Variants in ALB observed in about 807,000 individuals in gnomAD.
ALB encodes the protein albumin.
Under a neutral mutation model 74.5 loss-of-function variants are expected in ALB, and 37 were observed. The observed-to-expected ratio is 0.50, with a 90% confidence interval of 0.38 to 0.65. The LOEUF is 0.65. Ranked by LOEUF, ALB falls within the 30% of genes least tolerant of loss-of-function variation. The pLI, the probability that ALB is intolerant of heterozygous loss-of-function variation, is 0.00. For missense variants in ALB, 685 were observed against 718.7 expected, an observed-to-expected ratio of 0.95 and a Z score of 0.54; for synonymous variants, 249 against 251.6, an observed-to-expected ratio of 0.99 and a Z score of 0.10.
At chr4:73,411,975 G>T in intron 6 of ALB, 21 bp from the exon 7 acceptor site, 1 of 1,613,886 alleles carries the variant, frequency 6.2e-7, no homozygotes, top group East Asian at 2.2e-5. Context: ...ATACCATTTT[G>T]ATTGGCGATT....
rs11538204 is a variant in ALB at position 73,421,156 on chromosome 4, G to T, written c.*88G>T. 1.5e-3 allele frequency: 1,064 copies of T among 692,658 alleles called. 1 individual carries two copies. Among genetic ancestry groups the T allele is most frequent in the Non-Finnish European group, 2.2e-3 (857 of 381,326 alleles). The allele number at this position is 692,658 out of a possible 1,614,324, so 42.9% of individuals were successfully genotyped here. On this transcript the variant is annotated 3_prime_UTR_variant, in exon 15 of 15. Transcript: ENST00000295897. ...GCTTATTCATCTGTTTTTCTTTTTC[G>T]TTGGTGTAAAGCCAACACCCTGTCT...
rs921613345 is a variant in ALB, at chr4:73,405,651, C to G, written c.137+478C>G. On this transcript the variant is annotated intron_variant, in intron 2 of 14. Coordinates refer to ENST00000295897, the MANE Select transcript of ALB (RefSeq NM_000477.7). ...TGTCGCCCAGGCTGGAGTGCAGTGG[C>G]GCAATCTCGGCTCACTGCAAACTCC... Among the ~76,000 whole-genome samples, 13 of 151,552 alleles carry G rather than the reference C, an allele frequency of 8.6e-5. 1 individual carries two copies. In the South Asian group the frequency reaches 2.7e-3, roughly 32 times the overall value.
intron 9 of ALB, 191 bp downstream of exon 9, chr4:73,415,358 A>G: frequency 1.5e-6 from 1 of 668,078 alleles, no homozygotes; most frequent in Admixed American, 2.8e-5. Context: ...TAGACTAGTT[A>G]GAATAGAAAG....
At chr4:73,415,612 A>T (rs1267271099) in intron 9 of ALB, among the ~76,000 whole-genome samples, 2 of 152,146 alleles carry the variant, frequency 1.3e-5, no homozygotes, top group African/African-American at 4.8e-5. Context: ...TTTACAAGAA[A>T]TTAAGTTAGG....
chr4:73,405,660 G>T (rs1718704319), intron 2 of ALB, among the ~76,000 whole-genome samples: 1 of 151,452 alleles, frequency 6.6e-6, no homozygotes, highest in Admixed American at 6.6e-5. Context: ...GCGCAATCTC[G>T]GCTCACTGCA....
intron 12 of ALB, 122 bp downstream of exon 12, chr4:73,418,433 C>T: frequency 1.2e-6 from 1 of 869,066 alleles, no homozygotes; most frequent in Non-Finnish European, 1.8e-6. Context: ...TGGAGTGTTG[C>T]CCTTATTATG....
chr4:73,408,680 A>G lies in ALB; in HGVS notation c.357A>G (p.Glu119=). ...TGGCTGACTGCTGTGCAAAACAAGA[A>G]CCTGAGAGAAATGAATGCTTCTTGC... ...GEMADCCAKQ[E]PERNECFLQH... Residue 119 remains glutamate, a synonymous_variant, in exon 4 of 15, where the codon GAA becomes GAG. Transcript: ENST00000295897. 3.7e-6 allele frequency: 6 copies of G among 1,614,046 alleles called. No homozygotes were observed. The highest frequency in any genetic ancestry group is 5.1e-6 in the Non-Finnish European group (6 of 1,179,942).
rs1368509385 is a variant in ALB at position 73,408,675 on chromosome 4, C to T, written c.352C>T (p.Gln118Ter). The change falls in exon 4 of 15, where the codon CAA becomes TAA. Residue 118 changes from glutamine to a stop codon, truncating the protein, a stop_gained. Coordinates refer to ENST00000295897, the MANE Select transcript of ALB (RefSeq NM_000477.7). LOFTEE classifies it high-confidence loss of function. ...TGAAATGGCTGACTGCTGTGCAAAA[C>T]AAGAACCTGAGAGAAATGAATGCTT... ...YGEMADCCAK[Q>*]EPERNECFLQ... 6.2e-7 allele frequency: 1 copy of T among 1,613,916 alleles called. No homozygotes were observed. Among genetic ancestry groups the T allele is most frequent in the East Asian group, 2.2e-5 (1 of 44,884 alleles).
At position 73,410,358 on chromosome 4, in the gene ALB, G is replaced by A; in HGVS notation, c.662G>A (p.Arg221Lys). 2 of 1,613,872 alleles carry A rather than the reference G, an allele frequency of 1.2e-6. No homozygotes were observed. The highest frequency in any genetic ancestry group is 1.7e-6 in the Non-Finnish European group (2 of 1,179,798). Residue 221 changes from arginine (R) to lysine (K), a missense_variant, in exon 6 of 15, where the codon AGA becomes AAA. Transcript: ENST00000295897. Reference sequence around the variant, plus strand: ...GGGAAGGCTTCGTCTGCCAAACAGAGACTCAAGTGTGCCAGTCTCCAAAAA... The same window carrying A: ...GGGAAGGCTTCGTCTGCCAAACAGAAACTCAAGTGTGCCAGTCTCCAAAAA... ...DEGKASSAKQ[R>K]LKCASLQKFG...
rs759712202 is a variant in ALB, at chr4:73,410,350, C to T, written c.654C>T (p.Ala218=). The T allele has an allele frequency of 3.0e-5, 49 of 1,613,694 alleles. No homozygotes were observed. In the South Asian group the frequency reaches 5.3e-4, roughly 17 times the overall value. The change falls in exon 6 of 15, where the codon GCC becomes GCT. Residue 218 remains alanine (A), a synonymous_variant. Transcript: ENST00000295897. ...ELRDEGKASS[A]KQRLKCASLQ... is the part of the protein sequence containing the mutation. ...GGGATGAAGGGAAGGCTTCGTCTGC[C>T]AAACAGAGACTCAAGTGTGCCAGTC...
In ALB at chr4:73,417,512, CAT is replaced by C; in HGVS notation, c.1290-18_1290-17del. 3 of 1,613,772 alleles carry C rather than the reference CAT, an allele frequency of 1.9e-6. No homozygotes were observed. Among genetic ancestry groups the C allele is most frequent in the Non-Finnish European group, 2.5e-6 (3 of 1,179,790 alleles). On this transcript the variant is annotated splice_polypyrimidine_tract_variant and intron_variant, in intron 10 of 14. Transcript: ENST00000295897. ...ACAGTTTCTTGCCTTGCTGAAAACA[CAT>C]GACTTCTTTTTTTCAGGCTATTAGT...
intron 7 of ALB, chr4:73,413,143 A>G (rs1718921924): frequency 7.9e-6 from 3 of 379,806 alleles, no homozygotes; most frequent in Non-Finnish European, 1.4e-5. Context: ...TTGAGTTTTA[A>G]TGAAAAAAAC....
At chr4:73,405,750 C>A (rs1445655708) in intron 2 of ALB, among the ~76,000 whole-genome samples, 1 of 151,974 alleles carries the variant, frequency 6.6e-6, no homozygotes, top group South Asian at 2.1e-4. Flanking sequence ...GCCATCACGC[C>A]CGGCTAATCT....
intron 10 of ALB, 62 bp downstream of exon 10, chr4:73,416,415 T>A: frequency 8.5e-7 from 1 of 1,176,172 alleles, no homozygotes; most frequent in Non-Finnish European, 1.3e-6. Flanking sequence ...ACTTAATATA[T>A]GAGCCACCTA....
At position 73,406,180 on chromosome 4, in the gene ALB, A is replaced by G. The variant is rs570663790; in HGVS notation, c.138-449A>G. 2.0e-5 allele frequency among the ~76,000 whole-genome samples: 3 copies of G among 152,258 alleles called. No individual in the cohort carries two copies. In the South Asian group the frequency reaches 6.2e-4, roughly 32 times the overall value. ...AGGCTGACGTAGGAGGATCGTTTGGACCTGAGAGGTCAAGGCTACAGTGAG... is the reference window on the plus strand; with the variant it reads ...AGGCTGACGTAGGAGGATCGTTTGGGCCTGAGAGGTCAAGGCTACAGTGAG... On this transcript the variant is annotated intron_variant, in intron 2 of 14. Transcript: ENST00000295897.
intron 3 of ALB, among the ~76,000 whole-genome samples, chr4:73,408,116 T>A (rs957415065): frequency 1.3e-5 from 2 of 152,244 alleles, no homozygotes; most frequent in African/African-American, 4.8e-5. Context: ...TATATCTTAA[T>A]AGTCACTTAA....
chr4:73,413,392 T>G (rs1211084574), intron 7 of ALB, 28 bp from the exon 8 acceptor site: 2 of 1,585,118 alleles, frequency 1.3e-6, no homozygotes, highest in South Asian at 1.1e-5. Context: ...CAATTCGTGT[T>G]GAACAATTTC....
intron 8 of ALB, among the ~76,000 whole-genome samples, chr4:73,413,849 C>T (rs952684104): frequency 7.2e-5 from 11 of 152,174 alleles, no homozygotes; most frequent in African/African-American, 2.7e-4. Flanking sequence ...GCTCAACATT[C>T]CTTACTCCTT....
chr4:73,411,157 T>A (rs1053099423), intron 6 of ALB, among the ~76,000 whole-genome samples: 4 of 152,172 alleles, frequency 2.6e-5, no homozygotes, highest in African/African-American at 9.7e-5. Flanking sequence ...ATAGACATTA[T>A]GCATGCTCTC....
Sources: gnomAD v4.1 joint callset for allele counts (sites outside exome capture counted in the v4.1 genomes callset) on GRCh38, gnomAD v4.1.1 for gene constraint, MANE v1.5 for transcripts, NCBI Gene and HGNC (gene_info 2026-07-23, HGNC 2026-07-21) for gene names.